The following CSNK1G1 variants were observed in gnomAD, a reference collection of about 807,000 sequenced individuals.
The protein encoded by CSNK1G1 is casein kinase I isoform gamma-1.
Under a neutral mutation model 59.6 loss-of-function variants are expected in CSNK1G1, and 22 were observed. That is an observed-to-expected ratio of 0.37 (90% CI 0.26 to 0.53). CSNK1G1 has a LOEUF of 0.53. CSNK1G1 is among the 20% of genes least tolerant of loss of function. The pLI, the probability that CSNK1G1 is intolerant of heterozygous loss-of-function variation, is 0.89. For missense variants in CSNK1G1, 384 were observed against 519.5 expected (o/e 0.74, Z 2.54); for synonymous variants, 179 against 177.1 (o/e 1.01, Z -0.08).
At chr15:64,172,364 C>G (rs1357612005) in intron 11 of CSNK1G1, among the ~76,000 whole-genome samples, 1 of 152,188 alleles carries the variant, frequency 6.6e-6, no homozygotes, top group Non-Finnish European at 1.5e-5. Flanking sequence ...ACATTGTCTA[C>G]TCCTTGATAC....
At position 64,304,809 on chromosome 15, in the gene CSNK1G1, T is replaced by C. The variant is rs78295885; in HGVS notation, c.-224-4086A>G. Among the ~76,000 whole-genome samples the C allele has an allele frequency of 8.4e-3, 1,279 of 152,322 alleles. 19 individuals carry two copies. Among genetic ancestry groups the C allele is most frequent in the African/African-American group, 0.029 (1,200 of 41,568 alleles). On this transcript the variant is annotated intron_variant, in intron 1 of 11. Transcript: ENST00000303052. Reference sequence around the variant, plus strand: ...AGAGATTGCCAGGCTTCTAAATCTCTCTTCTTACACAACTTATGATGAAAT... The same window carrying C: ...AGAGATTGCCAGGCTTCTAAATCTCCCTTCTTACACAACTTATGATGAAAT...
intron 2 of CSNK1G1, among the ~76,000 whole-genome samples, chr15:64,262,518 T>C (rs575247864): frequency 6.7e-4 from 102 of 152,218 alleles, no homozygotes; most frequent in African/African-American, 2.4e-3. Context: ...GAGCACATAG[T>C]GTGTGGGAAG....
intron 10 of CSNK1G1, among the ~76,000 whole-genome samples, chr15:64,198,221 C>G (rs957448688): frequency 1.2e-5 from 1 of 86,206 alleles, no homozygotes; most frequent in South Asian, 3.7e-4. Context: ...TTTTTTGAAA[C>G]AAAGTCTCTG....
chr15:64,254,514 G>A (rs1447720230), intron 3 of CSNK1G1, among the ~76,000 whole-genome samples: 1 of 151,982 alleles, frequency 6.6e-6, no homozygotes, highest in East Asian at 1.9e-4. Flanking sequence ...ACCACACCTG[G>A]CTAATTTTTG....
At chr15:64,325,136 C>G (rs1443661795) in intron 1 of CSNK1G1, among the ~76,000 whole-genome samples, 6 of 152,134 alleles carry the variant, frequency 3.9e-5, no homozygotes, top group Admixed American at 3.3e-4. Flanking sequence ...GTAGTGGACA[C>G]TTTTTCCTAT....
At chr15:64,321,376 T>G (rs1437718701) in intron 1 of CSNK1G1, among the ~76,000 whole-genome samples, 1 of 151,596 alleles carries the variant, frequency 6.6e-6, no homozygotes, top group Non-Finnish European at 1.5e-5. Flanking sequence ...CCACCTCAGC[T>G]TTCCCCGCAG....
chr15:64,259,516 A>G (rs1892579146), intron 2 of CSNK1G1, among the ~76,000 whole-genome samples: 1 of 151,286 alleles, frequency 6.6e-6, no homozygotes, highest in Non-Finnish European at 1.5e-5. Context: ...ACACACACAC[A>G]CACACACATG....
intron 4 of CSNK1G1, among the ~76,000 whole-genome samples, chr15:64,250,692 C>T (rs1216570270): frequency 6.6e-6 from 1 of 152,072 alleles, no homozygotes; most frequent in Non-Finnish European, 1.5e-5. Flanking sequence ...CTGCAGTGAG[C>T]CGTGATCGTG....
At chr15:64,204,765 G>T in intron 8 of CSNK1G1, 100 bp downstream of exon 8, 2 of 1,107,038 alleles carry the variant, frequency 1.8e-6, no homozygotes, top group East Asian at 2.3e-5. Context: ...AAAAGGAAAT[G>T]TTAATTACCT....
At chr15:64,244,635 C>A (rs1282824990) in intron 4 of CSNK1G1, among the ~76,000 whole-genome samples, 1 of 152,116 alleles carries the variant, frequency 6.6e-6, no homozygotes, top group East Asian at 1.9e-4. Flanking sequence ...GTAATCCCAG[C>A]ACTTTGGGAG....
At chr15:64,245,221 A>C (rs1408994782) in intron 4 of CSNK1G1, among the ~76,000 whole-genome samples, 4 of 152,222 alleles carry the variant, frequency 2.6e-5, no homozygotes, top group African/African-American at 9.6e-5. Context: ...CCTCAAAAAC[A>C]CAGGCAACAG....
At chr15:64,231,124 C>T (rs943129925) in intron 4 of CSNK1G1, among the ~76,000 whole-genome samples, 3 of 151,156 alleles carry the variant, frequency 2.0e-5, no homozygotes, top group Non-Finnish European at 4.4e-5. Context: ...GCCAAAAGTT[C>T]GAGACTAGCC....
chr15:64,306,055 G>GA (rs892425446), intron 1 of CSNK1G1, among the ~76,000 whole-genome samples: 1 of 152,078 alleles, frequency 6.6e-6, no homozygotes, highest in African/African-American at 2.4e-5. Flanking sequence ...TATGCCATAG[G>GA]AAAAAATCTA....
chr15:64,318,383 T>G (rs1896384861), intron 1 of CSNK1G1, among the ~76,000 whole-genome samples: 1 of 152,170 alleles, frequency 6.6e-6, no homozygotes, highest in East Asian at 1.9e-4. Context: ...TCTAGAAATT[T>G]GTGGCATGAG....
At chr15:64,304,877 G>A (rs1025388658) in intron 1 of CSNK1G1, among the ~76,000 whole-genome samples, 2 of 152,116 alleles carry the variant, frequency 1.3e-5, no homozygotes, top group African/African-American at 4.8e-5. Context: ...GTAAGTGTAT[G>A]AGAAACTCAA....
chr15:64,203,303 A>G, intron 9 of CSNK1G1, 114 bp from the exon 10 acceptor site: 2 of 740,824 alleles, frequency 2.7e-6, no homozygotes, highest in Non-Finnish European at 4.7e-6. Context: ...TTCAGCTACC[A>G]AGAGCACTTT....
chr15:64,218,852 G>GTTTTT (rs11364699), intron 4 of CSNK1G1, among the ~76,000 whole-genome samples: 1 of 114,094 alleles, frequency 8.8e-6, no homozygotes, highest in Non-Finnish European at 1.8e-5. Context: ...AATTTGAAGT[G>GTTTTT]TTTTTTTTTT....
rs558532211 is a variant in CSNK1G1, at chr15:64,253,763, A to T, written c.223-2182T>A. On this transcript the variant is annotated intron_variant, in intron 3 of 11. Coordinates refer to ENST00000303052, the MANE Select transcript of CSNK1G1 (RefSeq NM_022048.5). Reference sequence around the variant, plus strand: ...AAAAGGAAATTCTGACACATGCTACAACACGGGCAAACCTTGAGGACATCA... The same window carrying T: ...AAAAGGAAATTCTGACACATGCTACTACACGGGCAAACCTTGAGGACATCA... Among the ~76,000 whole-genome samples, 6 of 152,348 alleles carry T rather than the reference A, an allele frequency of 3.9e-5. No homozygotes were observed. In the East Asian group the frequency reaches 1.2e-3, roughly 29 times the overall value.
At chr15:64,277,630 T>TAG (rs1893741361) in intron 2 of CSNK1G1, among the ~76,000 whole-genome samples, 1 of 136,364 alleles carries the variant, frequency 7.3e-6, no homozygotes, top group Non-Finnish European at 1.6e-5. Flanking sequence ...ATTTAATATA[T>TAG]TAATATTAAT....
Sources: gnomAD v4.1 joint callset for allele counts (sites outside exome capture counted in the v4.1 genomes callset) on GRCh38, gnomAD v4.1.1 for gene constraint, MANE v1.5 for transcripts, NCBI Gene and HGNC (gene_info 2026-07-23, HGNC 2026-07-21) for gene names.